RTN4: variants seen among roughly 807,000 people sequenced by gnomAD.
The protein encoded by RTN4 is reticulon 4.
In RTN4, 32 loss-of-function variants were observed where a neutral mutation model predicts 90.4. The observed-to-expected ratio is 0.35, with a 90% confidence interval of 0.27 to 0.48. RTN4 has a LOEUF of 0.48. Among genes scored for constraint, RTN4 ranks in the 20% least tolerant of loss-of-function variants. The pLI is 0.99. For synonymous variants in RTN4, 629 were observed against 552.5 expected (o/e 1.14, Z -1.94); for missense variants, 1,706 against 1,430.2 (o/e 1.19, Z -3.11).
chr2:55,098,901 C>T (rs1667800999), intron 1 of RTN4, among the ~76,000 whole-genome samples: 1 of 152,096 alleles, frequency 6.6e-6, no homozygotes, highest in Admixed American at 6.5e-5. Context: ...TCTAAATTGG[C>T]ATTTGGAACA....
chr2:54,973,456 G>A, intron 8 of RTN4, 107 bp downstream of exon 8: 1 of 906,048 alleles, frequency 1.1e-6, no homozygotes, highest in Non-Finnish European at 1.8e-6. Context: ...TCACACTTAA[G>A]GTCTGATAGA....
At chr2:55,097,769 C>T (rs4671238) in intron 1 of RTN4, among the ~76,000 whole-genome samples, 84,003 of 151,844 alleles carry the variant, frequency 0.55, 23,639 homozygotes, top group Admixed American at 0.57. Flanking sequence ...TAATGAAGAG[C>T]TGACACTTGA....
upstream of RTN4, among the ~76,000 whole-genome samples, chr2:55,114,876 C>T (rs190643308): frequency 9.9e-5 from 15 of 152,126 alleles, no homozygotes; most frequent in East Asian, 2.9e-3. Context: ...CTTGTCAGTC[C>T]CAGGTTCACT....
chr2:55,010,044 G>A (rs1680516327), intron 3 of RTN4: 1 of 1,588,222 alleles, frequency 6.3e-7, no homozygotes, highest in African/African-American at 1.3e-5. Flanking sequence ...TATATTAGTG[G>A]TCACATATAA....
chr2:55,072,391 A>G (rs1455367383), intron 2 of RTN4, among the ~76,000 whole-genome samples: 5 of 151,838 alleles, frequency 3.3e-5, no homozygotes, highest in Non-Finnish European at 7.4e-5. Flanking sequence ...CACCATGCCC[A>G]GCTGATTTTT....
the RTN4 span, among the ~76,000 whole-genome samples, chr2:55,136,112 A>G: frequency 6.6e-6 from 1 of 152,146 alleles, no homozygotes; most frequent in African/African-American, 2.4e-5. Context: ...ATAGATAGAA[A>G]ACACCTAAAG....
At chr2:55,087,375 CATT>C (rs1445038797) in intron 1 of RTN4, among the ~76,000 whole-genome samples, 2 of 152,168 alleles carry the variant, frequency 1.3e-5, no homozygotes, top group Non-Finnish European at 2.9e-5. Context: ...TAGCTTTTAT[CATT>C]GTTGTTTTTA....
intron 1 of RTN4, among the ~76,000 whole-genome samples, chr2:55,108,234 C>T (rs757420173): frequency 1.3e-5 from 2 of 152,080 alleles, no homozygotes; most frequent in Non-Finnish European, 2.9e-5. Flanking sequence ...TGATTACAGG[C>T]GTGAGCCAAC....
At chr2:55,062,031 C>T (rs1468740241) in intron 2 of RTN4, among the ~76,000 whole-genome samples, 1 of 152,110 alleles carries the variant, frequency 6.6e-6, no homozygotes, top group East Asian at 1.9e-4. Flanking sequence ...ACGTCAAGAG[C>T]ACGTCAAGAG....
intron 3 of RTN4, among the ~76,000 whole-genome samples, chr2:55,023,059 C>T (rs1681566990): frequency 6.6e-6 from 1 of 152,084 alleles, no homozygotes; most frequent in East Asian, 1.9e-4. Context: ...CACTGACCAT[C>T]TACTCTCCTC....
intron 1 of RTN4, among the ~76,000 whole-genome samples, chr2:55,093,449 A>G (rs1440980710): frequency 1.3e-5 from 2 of 151,296 alleles, no homozygotes; most frequent in Non-Finnish European, 1.5e-5. Context: ...CCTGGGCCCA[A>G]AGAAAGTATT....
chr2:55,023,610 G>A lies in RTN4; in HGVS notation c.3013+1476C>T, dbSNP rs142799629. On this transcript the variant is annotated intron_variant, in intron 3 of 8. Coordinates refer to ENST00000337526, the MANE Select transcript of RTN4 (RefSeq NM_020532.5). ...CCCTTCTGACTTTCTGCCAGCACCT[G>A]TAATCAGATTTTCCCCTTCCCACCT... is the stretch of plus-strand genomic sequence containing the variant. 2.6e-5 allele frequency among the ~76,000 whole-genome samples: 4 copies of A among 151,860 alleles called. No homozygotes were observed. In the East Asian group the frequency reaches 7.7e-4, roughly 29 times the overall value.
upstream of RTN4, among the ~76,000 whole-genome samples, chr2:55,054,981 C>A (rs114184377): frequency 6.6e-6 from 1 of 151,996 alleles, no homozygotes; most frequent in Non-Finnish European, 1.5e-5. Context: ...AGATCAACTT[C>A]TTCAGTCATG....
chr2:55,020,421 GA>G (rs11383308), intron 3 of RTN4, among the ~76,000 whole-genome samples: 31 of 146,996 alleles, frequency 2.1e-4, no homozygotes, highest in East Asian at 6.0e-4. Flanking sequence ...TCAATTTTTG[GA>G]AAAAAAAAAA....
upstream of RTN4, among the ~76,000 whole-genome samples, chr2:55,052,323 T>C (rs1668110335): frequency 2.6e-5 from 4 of 152,094 alleles, no homozygotes; most frequent in East Asian, 1.9e-4. Context: ...GGAGTGAGAG[T>C]GTATGGGAAC....
intron 1 of RTN4, chr2:55,048,999 C>T (rs1348281635): frequency 3.4e-6 from 2 of 587,916 alleles, no homozygotes; most frequent in East Asian, 1.4e-4. Flanking sequence ...ATGCCTAGAT[C>T]CCCTTTCCCT....
chr2:55,108,157 G>A (rs1010428742), intron 1 of RTN4, among the ~76,000 whole-genome samples: 2 of 152,068 alleles, frequency 1.3e-5, no homozygotes, highest in African/African-American at 4.8e-5. Context: ...GTTTTCCCAT[G>A]TTGGCCAGGC....
chr2:55,025,048 T>C, intron 3 of RTN4, 38 bp downstream of exon 3: 3 of 1,546,326 alleles, frequency 1.9e-6, no homozygotes, highest in Non-Finnish European at 1.7e-6. Flanking sequence ...AATCCAAAAG[T>C]GGCATGAAAG....
At chr2:55,119,097 G>A in the RTN4 span, among the ~76,000 whole-genome samples, 1 of 152,228 alleles carries the variant, frequency 6.6e-6, no homozygotes, top group Admixed American at 6.5e-5. Context: ...ACAAGGGAAG[G>A]AGACAGAGGT....
Sources: gnomAD v4.1 joint callset for allele counts (sites outside exome capture counted in the v4.1 genomes callset) on GRCh38, gnomAD v4.1.1 for gene constraint, MANE v1.5 for transcripts, NCBI Gene and HGNC (gene_info 2026-07-23, HGNC 2026-07-21) for gene names.